Variants in NT5C3A observed in about 807,000 individuals in gnomAD.
The protein encoded by NT5C3A is 5'-nucleotidase, cytosolic IIIA, also known as cytosolic 5'-nucleotidase 3A.
NT5C3A carries 23 observed loss-of-function variants against 40.0 expected under a neutral mutation model. The observed-to-expected ratio is 0.58, with a 90% confidence interval of 0.41 to 0.81. The LOEUF is 0.81. Among genes scored for constraint, NT5C3A ranks in the 40% least tolerant of loss-of-function variants. NT5C3A has a pLI of 0.00. For synonymous variants in NT5C3A, 130 were observed against 141.4 expected, an observed-to-expected ratio of 0.92 and a Z score of 0.57; for missense variants, 328 against 403.0, an observed-to-expected ratio of 0.81 and a Z score of 1.59.
rs1454542085 is a variant in NT5C3A, at chr7:33,017,525, C to T, written c.607G>A (p.Asp203Asn). 5 of 1,613,506 alleles carry T rather than the reference C, an allele frequency of 3.1e-6. No individual in the cohort carries two copies. Among genetic ancestry groups the T allele is most frequent in the South Asian group, 1.1e-5 (1 of 91,080 alleles). Reference sequence around the variant, plus strand: ...TGACGAATAACTTCCTCTAGTACATCGCCGATTCCAGCCGAAAATATGAAC... The same window carrying T: ...TGACGAATAACTTCCTCTAGTACATTGCCGATTCCAGCCGAAAATATGAAC... ...PVFIFSAGIG[D>N]VLEEVIRQAG... Residue 203 changes from aspartate (D) to asparagine (N), a missense_variant, in exon 7 of 9, where the codon GAT becomes AAT. This residue lies in a region of NT5C3A where 280 missense variants were observed against 317.2 expected (regional missense o/e 0.88). Transcript: ENST00000610140.
intron 1 of NT5C3A, among the ~76,000 whole-genome samples, chr7:33,045,087 A>G (rs1180551529): frequency 6.6e-6 from 1 of 152,222 alleles, no homozygotes; most frequent in African/African-American, 2.4e-5. Flanking sequence ...TTAAACTTAA[A>G]TTGGATGACA....
intron 7 of NT5C3A, among the ~76,000 whole-genome samples, chr7:33,016,842 C>A (rs1166409197): frequency 1.3e-5 from 2 of 151,660 alleles, no homozygotes; most frequent in East Asian, 3.9e-4. Flanking sequence ...CTTCTTTTTC[C>A]AACTATGAAT....
intron 1 of NT5C3A, among the ~76,000 whole-genome samples, chr7:33,044,854 A>G (rs66798602): frequency 0.36 from 55,342 of 152,106 alleles, 10,376 homozygotes; most frequent in East Asian, 0.41. Context: ...CAAATATATG[A>G]ATTTAAGCTT....
intron 1 of NT5C3A, among the ~76,000 whole-genome samples, chr7:33,041,443 TA>T (rs1262499981): frequency 6.6e-6 from 1 of 152,096 alleles, no homozygotes; most frequent in Non-Finnish European, 1.5e-5. Flanking sequence ...ATGAAATGCT[TA>T]AAAATGGTTT....
At chr7:33,051,634 C>T (rs1336123833) in intron 1 of NT5C3A, among the ~76,000 whole-genome samples, 1 of 152,150 alleles carries the variant, frequency 6.6e-6, no homozygotes, top group East Asian at 1.9e-4. Flanking sequence ...CTGTCTTCCT[C>T]TTTCTACTGC....
At chr7:33,041,735 G>A (rs888501021) in intron 1 of NT5C3A, among the ~76,000 whole-genome samples, 1 of 151,468 alleles carries the variant, frequency 6.6e-6, no homozygotes, top group African/African-American at 2.4e-5. Flanking sequence ...CTGTCATGAA[G>A]AAAAAAAAAT....
At chr7:33,035,866 A>G (rs374288574) in intron 1 of NT5C3A, 1 of 1,235,794 alleles carries the variant, frequency 8.1e-7, no homozygotes, top group Non-Finnish European at 1.2e-6. Flanking sequence ...TTATCTGGTT[A>G]GAGACAGAGG....
rs895282927 is a variant in NT5C3A, at chr7:33,036,108, CTTAT to C, written c.139-9197_139-9194del. The C allele has an allele frequency of 7.7e-5, 59 of 770,920 alleles. 1 individual carries two copies. In the African/African-American group the frequency reaches 8.3e-4, roughly 11 times the overall value. The allele number at this position is 770,920 out of a possible 1,614,324, so 47.8% of individuals were successfully genotyped here. A position where few individuals can be genotyped will look rare whatever the true frequency, so the allele number is the denominator to read the frequency against. On this transcript the variant is annotated intron_variant, in intron 1 of 8. Transcript: ENST00000610140. Reference sequence around the variant, plus strand: ...TATTAAGGTGGAATTTTTGGTATGACTTATTTATTTTGTTTTTTAAAAATGTTTA... The same window carrying C: ...TATTAAGGTGGAATTTTTGGTATGACTTATTTTGTTTTTTAAAAATGTTTA...
chr7:33,034,796 G>C (rs976914342), intron 1 of NT5C3A, among the ~76,000 whole-genome samples: 3 of 148,326 alleles, frequency 2.0e-5, no homozygotes, highest in African/African-American at 5.3e-5. Context: ...AAAAGCTAGA[G>C]AGAAAGAGAA....
At chr7:33,017,238 T>TG in intron 7 of NT5C3A, 2 of 561,256 alleles carry the variant, frequency 3.6e-6, no homozygotes, top group Non-Finnish European at 6.3e-6. Flanking sequence ...GTCTATAGCT[T>TG]GGGGAATGAA....
At chr7:33,033,894 A>ATATATAT (rs11437974) in intron 1 of NT5C3A, among the ~76,000 whole-genome samples, 1 of 123,538 alleles carries the variant, frequency 8.1e-6, no homozygotes, top group Admixed American at 8.2e-5. Context: ...ATATATATAT[A>ATATATAT]ATTTTTTTTT....
At position 33,062,765 on chromosome 7, in the gene NT5C3A, A is replaced by G. The variant is rs1232693200; in HGVS notation, c.-60T>C. The stretch of plus-strand genomic sequence containing the variant: ...AAACAGGCAGCTCGCGTAGACTGCG[A>G]GTCTCGGAAGCGCGGGATCCCAGAG... On this transcript the variant is annotated 5_prime_UTR_variant, in exon 1 of 9. Coordinates refer to ENST00000610140, the MANE Select transcript of NT5C3A (RefSeq NM_001002010.5). 3 of 1,547,758 alleles carry G rather than the reference A, an allele frequency of 1.9e-6. No homozygotes were observed. Among genetic ancestry groups the G allele is most frequent in the Admixed American group, 3.9e-5 (2 of 50,926 alleles).
chr7:33,034,492 C>G (rs766549793), intron 1 of NT5C3A, among the ~76,000 whole-genome samples: 1 of 152,130 alleles, frequency 6.6e-6, no homozygotes, highest in African/African-American at 2.4e-5. Flanking sequence ...TGGTTTAATT[C>G]TATGTATCAA....
Position 33,021,365 on chromosome 7 carries a change from G to T in NT5C3A, c.355-8C>A, listed in dbSNP as rs1166154514. The T allele has an allele frequency of 3.1e-6, 5 of 1,608,752 alleles. No individual in the cohort carries two copies. Among genetic ancestry groups the T allele is most frequent in the Non-Finnish European group, 4.3e-6 (5 of 1,176,414 alleles). Reference sequence around the variant, plus strand: ...TTCCTTTAGTTGCAATAACTAGGAAGATATGAATAACTTAATCATGAAGAT... The same window carrying T: ...TTCCTTTAGTTGCAATAACTAGGAATATATGAATAACTTAATCATGAAGAT... On this transcript the variant is annotated splice_region_variant and splice_polypyrimidine_tract_variant and intron_variant, in intron 4 of 8. Transcript: ENST00000610140.
At chr7:33,030,471 T>C (rs180721046) in intron 1 of NT5C3A, among the ~76,000 whole-genome samples, 1 of 152,334 alleles carries the variant, frequency 6.6e-6, no homozygotes, top group East Asian at 1.9e-4. Context: ...AATTTGATTA[T>C]GATAAAATTT....
At chr7:33,032,440 A>AAAT (rs1562594431) in intron 1 of NT5C3A, among the ~76,000 whole-genome samples, 1 of 149,586 alleles carries the variant, frequency 6.7e-6, no homozygotes, top group Non-Finnish European at 1.5e-5. Context: ...AAAAAAAAAA[A>AAAT]AATTTACTTT....
chr7:33,026,631 A>T (rs977272056), intron 2 of NT5C3A, among the ~76,000 whole-genome samples, 186 bp downstream of exon 2: 1 of 151,010 alleles, frequency 6.6e-6, no homozygotes, highest in Non-Finnish European at 1.5e-5. Context: ...TGCTAGGATT[A>T]CAGGTGTGAG....
At chr7:33,038,614 T>G (rs1228158202) in intron 1 of NT5C3A, among the ~76,000 whole-genome samples, 1 of 152,066 alleles carries the variant, frequency 6.6e-6, no homozygotes, top group East Asian at 1.9e-4. Context: ...TTATCTTTGT[T>G]CAAAGATAAT....
At chr7:33,059,192 G>C (rs1787688960) in intron 1 of NT5C3A, among the ~76,000 whole-genome samples, 1 of 152,158 alleles carries the variant, frequency 6.6e-6, no homozygotes, top group African/African-American at 2.4e-5. Flanking sequence ...ATTATTTCTA[G>C]CCTCAATTTA....
Sources: allele counts gnomAD v4.1 joint callset (sites outside exome capture counted in the v4.1 genomes callset), GRCh38; gene constraint gnomAD v4.1.1; regional missense constraint gnomAD v4.1.1; transcripts MANE v1.5; gene names NCBI Gene and HGNC (gene_info 2026-07-23, HGNC 2026-07-21).